H2BK1: variants seen among roughly 807,000 people sequenced by gnomAD.
The protein encoded by H2BK1 is H2B.K variant histone 1.
At chr7:151,210,289 C>A in the H2BK1 span, 1 of 399,184 alleles carries the variant, frequency 2.5e-6, no homozygotes, top group Middle Eastern at 6.3e-4. Context: ...GGCCCCCGGG[C>A]TGCTGCCGCT....
the H2BK1 span, chr7:151,207,865 C>T: frequency 1.6e-5 from 15 of 911,342 alleles, no homozygotes; most frequent in Middle Eastern, 2.1e-4. Context: ...TTTGTCAGGC[C>T]CTGGGTCACT....
At chr7:151,210,419 G>A in the H2BK1 span, 67 of 172,592 alleles carry the variant, frequency 3.9e-4, 2 homozygotes, top group Middle Eastern at 3.5e-3. Flanking sequence ...CCTGGGAGGG[G>A]GGGGGGGGGC....
the H2BK1 span, chr7:151,210,300 G>A: frequency 5.0e-6 from 2 of 398,986 alleles, no homozygotes; most frequent in South Asian, 2.5e-4. Flanking sequence ...TGCTGCCGCT[G>A]TCCATACTCA....
At chr7:151,210,279 G>A in the H2BK1 span, 6 of 399,108 alleles carry the variant, frequency 1.5e-5, no homozygotes, top group Admixed American at 4.4e-5. Flanking sequence ...CGACCCCCAC[G>A]GCCCCCGGGC....
the H2BK1 span, chr7:151,208,029 C>A: frequency 1.2e-6 from 2 of 1,612,542 alleles, no homozygotes; most frequent in African/African-American, 2.7e-5. Flanking sequence ...GCCTCACACG[C>A]CAGCTGCTCA....
At chr7:151,207,887 T>C in the H2BK1 span, 1 of 1,021,558 alleles carries the variant, frequency 9.8e-7, no homozygotes, top group East Asian at 2.4e-5. Flanking sequence ...GGAGCTGGTG[T>C]ACTTGGTGAC....
chr7:151,209,508 G>C, the H2BK1 span, among the ~76,000 whole-genome samples: 2 of 152,212 alleles, frequency 1.3e-5, no homozygotes, highest in Non-Finnish European at 2.9e-5. Flanking sequence ...AGCAGCTTTG[G>C]ATCCTCCAGA....
At chr7:151,210,269 C>G in the H2BK1 span, 1 of 399,122 alleles carries the variant, frequency 2.5e-6, no homozygotes, top group Non-Finnish European at 4.4e-6. Flanking sequence ...CCCAGAACTG[C>G]GACCCCCACG....
At chr7:151,210,209 T>C in the H2BK1 span, 1 of 399,144 alleles carries the variant, frequency 2.5e-6, no homozygotes, top group Non-Finnish European at 4.4e-6. Context: ...CTTGTAGATA[T>C]ACATGGAGTA....
the H2BK1 span, among the ~76,000 whole-genome samples, chr7:151,209,373 C>G: frequency 6.6e-6 from 1 of 150,646 alleles, no homozygotes; most frequent in South Asian, 2.1e-4. Flanking sequence ...GGGATTTGGA[C>G]TGGAGACAGG....
chr7:151,208,172 C>T, the H2BK1 span: 3 of 1,537,394 alleles, frequency 2.0e-6, no homozygotes, highest in East Asian at 6.8e-5. Flanking sequence ...CCTGCCTACA[C>T]TGCAAGCCTC....
chr7:151,208,091 C>T, the H2BK1 span: 8 of 1,614,152 alleles, frequency 5.0e-6, no homozygotes, highest in Non-Finnish European at 6.8e-6. Context: ...GGCAGAGATG[C>T]CAATGTCAGG....
chr7:151,210,062 GC>G, the H2BK1 span: 1 of 395,738 alleles, frequency 2.5e-6, no homozygotes, highest in South Asian at 1.4e-4. Context: ...CTCAAGAGGG[GC>G]CAGGCCTGCC....
the H2BK1 span, among the ~76,000 whole-genome samples, chr7:151,209,703 C>T: frequency 1.3e-5 from 2 of 152,126 alleles, no homozygotes; most frequent in Non-Finnish European, 2.9e-5. Context: ...CCCATGGAGC[C>T]TTTAGGGGCC....
chr7:151,210,143 C>T, the H2BK1 span: 31 of 398,608 alleles, frequency 7.8e-5, no homozygotes, highest in Non-Finnish European at 1.2e-4. Context: ...TTTCAAGGCG[C>T]TTTGTGAGGG....
chr7:151,210,227 T>C, the H2BK1 span: 5 of 399,120 alleles, frequency 1.3e-5, no homozygotes, highest in South Asian at 1.3e-4. Context: ...GTAGGACTCC[T>C]TGCGCCGACA....
chr7:151,210,248 G>C, the H2BK1 span: 1 of 399,252 alleles, frequency 2.5e-6, no homozygotes. Flanking sequence ...GCGCTTTTTG[G>C]ACTTTTTGTT....
the H2BK1 span, chr7:151,210,129 G>A: frequency 5.0e-6 from 2 of 398,070 alleles, no homozygotes; most frequent in African/African-American, 2.1e-5. Flanking sequence ...TCCAGCCAGT[G>A]CCCTTTCAAG....
At chr7:151,207,962 G>T in the H2BK1 span, 2 of 1,393,686 alleles carry the variant, frequency 1.4e-6, no homozygotes, top group Non-Finnish European at 2.0e-6. Flanking sequence ...ACGCACAGCC[G>T]TCTGGACTTC....
Sources: allele counts gnomAD v4.1 joint callset (sites outside exome capture counted in the v4.1 genomes callset), GRCh38; gene constraint gnomAD v4.1.1; transcripts MANE v1.5; gene names NCBI Gene and HGNC (gene_info 2026-07-23, HGNC 2026-07-21).